Variants in BCAS3 observed in about 807,000 individuals in gnomAD.
The protein encoded by BCAS3 is BCAS4/BCAS3 fusion.
BCAS3 carries 53 observed loss-of-function variants against 116.1 expected under a neutral mutation model. The observed-to-expected ratio is 0.46, with a 90% CI of 0.37 to 0.57. The LOEUF (loss-of-function observed/expected upper bound fraction) is 0.57, where lower values mean the gene tolerates loss of function less well. BCAS3 is among the 20% of genes least tolerant of loss of function. The pLI is 0.00. For missense variants in BCAS3, 917 were observed against 1,165.4 expected (o/e 0.79, Z 3.10); for synonymous variants, 391 against 408.2 (o/e 0.96, Z 0.51).
At chr17:60,709,136 C>T (rs1018220913) in intron 4 of BCAS3, 83 bp from the exon 5 acceptor site, 3 of 672,674 alleles carry the variant, frequency 4.5e-6, no homozygotes, top group South Asian at 3.4e-5. Context: ...AAGATTGAAT[C>T]AGGCATTAAA....
chr17:61,053,138 G>A (rs899701299), intron 19 of BCAS3, among the ~76,000 whole-genome samples: 1 of 152,134 alleles, frequency 6.6e-6, no homozygotes, highest in Non-Finnish European at 1.5e-5. Flanking sequence ...ATACAATAAA[G>A]TAGATAGGAC....
chr17:61,298,825 A>ATTTAT (rs1568788631), intron 22 of BCAS3, among the ~76,000 whole-genome samples: 62 of 119,738 alleles, frequency 5.2e-4, no homozygotes, highest in East Asian at 2.1e-3. Context: ...TTTATTTATT[A>ATTTAT]TTATTATTAT....
At position 61,332,245 on chromosome 17, in the gene BCAS3, G is replaced by C. The variant is rs1334150007; in HGVS notation, c.2426-36082G>C. Among the ~76,000 whole-genome samples, 3 of 152,150 alleles carry C rather than the reference G, an allele frequency of 2.0e-5. No individual in the cohort carries two copies. The highest frequency in any genetic ancestry group is 3.9e-4 in the East Asian group (2 of 5,186). On this transcript the variant is annotated intron_variant, in intron 22 of 23. Transcript: ENST00000407086. The surrounding 1 kb of genome is among the most constrained non-coding windows in gnomAD (Gnocchi z 5.4). ...AGAAGGCATTCTTAGAACAGATACT[G>C]CCTGGTGACCCACCTAAAACAGTCT...
intron 22 of BCAS3, among the ~76,000 whole-genome samples, chr17:61,125,879 A>T (rs1268466445): frequency 6.6e-6 from 1 of 152,188 alleles, no homozygotes; most frequent in Non-Finnish European, 1.5e-5. Context: ...AATGCTGAAG[A>T]TAGGCTTTTC....
chr17:60,966,094 C>A (rs896483614), intron 14 of BCAS3, among the ~76,000 whole-genome samples: 2 of 152,158 alleles, frequency 1.3e-5, no homozygotes, highest in South Asian at 4.1e-4. Flanking sequence ...TTCTCTGTCT[C>A]TCTTTATAAT....
intron 22 of BCAS3, among the ~76,000 whole-genome samples, chr17:61,107,116 T>C (rs1471703210): frequency 7.3e-6 from 1 of 137,158 alleles, no homozygotes; most frequent in Non-Finnish European, 1.5e-5. Flanking sequence ...AGACGGAGTC[T>C]CGCTCTGTCG....
intron 5 of BCAS3, among the ~76,000 whole-genome samples, chr17:60,746,729 A>C (rs544794950): frequency 3.3e-5 from 5 of 152,182 alleles, no homozygotes; most frequent in Non-Finnish European, 4.4e-5. Context: ...GTTAACAGAC[A>C]ATTAGTTGCC....
At chr17:60,723,225 AATT>A (rs1024664996) in intron 5 of BCAS3, among the ~76,000 whole-genome samples, 31 of 151,802 alleles carry the variant, frequency 2.0e-4, no homozygotes, top group South Asian at 8.3e-4. Flanking sequence ...AATTTCCATA[AATT>A]ATTATTATTA....
At chr17:60,921,607 C>T (rs1404861970) in intron 12 of BCAS3, among the ~76,000 whole-genome samples, 18 of 126,730 alleles carry the variant, frequency 1.4e-4, no homozygotes, top group African/African-American at 5.6e-4. Flanking sequence ...AGCGAGACTC[C>T]GTCTCAAAAA....
chr17:60,741,201 C>T (rs116054924), intron 5 of BCAS3, among the ~76,000 whole-genome samples: 71 of 152,164 alleles, frequency 4.7e-4, no homozygotes, highest in African/African-American at 1.5e-3. Context: ...TGCTCTATGA[C>T]GTCATTTTTC....
chr17:61,299,829 A>G (rs1030277419), intron 22 of BCAS3, among the ~76,000 whole-genome samples: 1 of 152,226 alleles, frequency 6.6e-6, no homozygotes, highest in Non-Finnish European at 1.5e-5. Context: ...TTTGAGTCCC[A>G]TTGTTATCCC....
intron 6 of BCAS3, among the ~76,000 whole-genome samples, chr17:60,796,806 T>G (rs2047250425): frequency 2.0e-5 from 3 of 152,188 alleles, no homozygotes; most frequent in Admixed American, 2.0e-4. Context: ...GACCTTAGAA[T>G]GTCAGTTTGT....
In BCAS3 at chr17:61,244,359, G is replaced by A. The variant is rs2047765502; in HGVS notation, c.2426-123968G>A. ...TACCATTAGGTAATGAGTCTTACCTGTCCAGTAATGAATGTGTTTTCCTTT... is the reference window on the plus strand; with the variant it reads ...TACCATTAGGTAATGAGTCTTACCTATCCAGTAATGAATGTGTTTTCCTTT... On this transcript the variant is annotated intron_variant, in intron 22 of 23. Coordinates refer to ENST00000407086, the MANE Select transcript of BCAS3 (RefSeq NM_017679.5). This position sits in a 1 kb window ranked among gnomAD's most constrained non-coding sequence, Gnocchi z 4.9. 1.3e-5 allele frequency among the ~76,000 whole-genome samples: 2 copies of A among 152,066 alleles called. No individual in the cohort carries two copies. The highest frequency in any genetic ancestry group is 2.1e-4 in the South Asian group (1 of 4,828).
In BCAS3 at chr17:61,278,822, A is replaced by T. The variant is rs977227706; in HGVS notation, c.2426-89505A>T. ...TAGTGGTTTCCTAGGACTTGGGGAT[A>T]TGGGGAGATTGGGAGGTAGTGGCTA... is the stretch of plus-strand genomic sequence containing the variant. On this transcript the variant is annotated intron_variant, in intron 22 of 23. Transcript: ENST00000407086. This position sits in a 1 kb window ranked among gnomAD's most constrained non-coding sequence, Gnocchi z 5.8. Among the ~76,000 whole-genome samples the T allele has an allele frequency of 6.6e-6, 1 of 152,162 alleles. No individual in the cohort carries two copies. The highest frequency in any genetic ancestry group is 2.4e-5 in the African/African-American group (1 of 41,448).
In BCAS3 at chr17:61,344,745, G is replaced by A. The variant is rs977540912; in HGVS notation, c.2426-23582G>A. Among the ~76,000 whole-genome samples the A allele has an allele frequency of 6.6e-6, 1 of 152,146 alleles. No individual in the cohort carries two copies. Among genetic ancestry groups the A allele is most frequent in the Non-Finnish European group, 1.5e-5 (1 of 68,028 alleles). On this transcript the variant is annotated intron_variant, in intron 22 of 23. Coordinates refer to ENST00000407086, the MANE Select transcript of BCAS3 (RefSeq NM_017679.5). This position sits in a 1 kb window ranked among gnomAD's most constrained non-coding sequence, Gnocchi z 4.1. ...GGAAGGAGGTTGTTGGAGGGACTGA[G>A]GGAGGTTCATCATGGCTTACCAAAA...
intron 22 of BCAS3, among the ~76,000 whole-genome samples, chr17:61,311,334 T>C (rs1033383497): frequency 6.6e-6 from 1 of 152,208 alleles, no homozygotes; most frequent in Admixed American, 6.5e-5. Context: ...TGAAAAACTT[T>C]CCAGCCTCAT....
intron 6 of BCAS3, among the ~76,000 whole-genome samples, chr17:60,770,889 G>A (rs60173247): frequency 4.0e-4 from 48 of 119,276 alleles, no homozygotes; most frequent in Non-Finnish European, 7.6e-4. Context: ...ACTCTGTCAC[G>A]CAGGCTGGAG....
chr17:60,810,817 G>A (rs1301847514), intron 7 of BCAS3: 14 of 685,098 alleles, frequency 2.0e-5, no homozygotes, highest in South Asian at 4.2e-5. Flanking sequence ...GAAAAACCTC[G>A]AAGAGGAAGT....
intron 22 of BCAS3, among the ~76,000 whole-genome samples, chr17:61,271,753 G>A (rs926477258): frequency 2.6e-5 from 4 of 151,852 alleles, no homozygotes; most frequent in Admixed American, 6.6e-5. Flanking sequence ...CATCACACTC[G>A]GCCCCAACTT....
Sources: allele counts gnomAD v4.1 joint callset (sites outside exome capture counted in the v4.1 genomes callset), GRCh38; gene constraint gnomAD v4.1.1; non-coding constraint Gnocchi (gnomAD v3.1); transcripts MANE v1.5; gene names NCBI Gene and HGNC (gene_info 2026-07-23, HGNC 2026-07-21).